The following CACNA2D1 variants were observed in gnomAD, a reference collection of about 807,000 sequenced individuals.
CACNA2D1 encodes the protein calcium voltage-gated channel auxiliary subunit alpha2delta 1.
In CACNA2D1, 53 loss-of-function variants were observed where a neutral mutation model predicts 171.5. The observed-to-expected ratio is 0.31, with a 90% CI of 0.25 to 0.39. The LOEUF (loss-of-function observed/expected upper bound fraction) is 0.39, where lower values mean the gene tolerates loss of function less well. Among genes scored for constraint, CACNA2D1 ranks in the 10% least tolerant of loss-of-function variants. CACNA2D1 has a pLI of 1.00. For missense variants in CACNA2D1, 903 were observed against 1,299.8 expected, an observed-to-expected ratio of 0.69 and a Z score of 4.69; for synonymous variants, 442 against 443.1, an observed-to-expected ratio of 1.00 and a Z score of 0.03.
At chr7:82,192,245 G>A (rs1585055204) in intron 3 of CACNA2D1, among the ~76,000 whole-genome samples, 1 of 151,634 alleles carries the variant, frequency 6.6e-6, no homozygotes, top group Non-Finnish European at 1.5e-5. Flanking sequence ...AAACAAGGTG[G>A]ATATGACATA....
intron 4 of CACNA2D1, among the ~76,000 whole-genome samples, chr7:82,167,190 G>C (rs1795542410): frequency 6.6e-6 from 1 of 151,932 alleles, no homozygotes; most frequent in African/African-American, 2.4e-5. Context: ...AAAGATAAAA[G>C]AATTATAAAG....
rs560408089 is a variant in CACNA2D1 at position 82,326,026 on chromosome 7, C to T, written c.294+9109G>A. The stretch of plus-strand genomic sequence containing the variant: ...AGGTGTGGGTATGGGCATGAGTGCA[C>T]TCAGTGATGTGATGATGTCCTGTCC... On this transcript the variant is annotated intron_variant, in intron 3 of 38. Coordinates refer to ENST00000356860, the MANE Select transcript of CACNA2D1 (RefSeq NM_000722.4). Among the ~76,000 whole-genome samples, 186 of 152,092 alleles carry T rather than the reference C, an allele frequency of 1.2e-3. 1 individual carries two copies. The highest frequency in any genetic ancestry group is 1.4e-3 in the Non-Finnish European group (96 of 68,024).
chr7:82,188,831 G>A (rs1024400054), intron 3 of CACNA2D1, among the ~76,000 whole-genome samples: 3 of 152,014 alleles, frequency 2.0e-5, no homozygotes, highest in Admixed American at 6.6e-5. Flanking sequence ...GGAATACTAC[G>A]CAGCTACAAA....
At chr7:82,018,587 C>T (rs900959453) in intron 12 of CACNA2D1, among the ~76,000 whole-genome samples, 7 of 152,080 alleles carry the variant, frequency 4.6e-5, no homozygotes, top group Non-Finnish European at 7.4e-5. Flanking sequence ...TATTTATGTA[C>T]TATATTATTC....
intron 6 of CACNA2D1, among the ~76,000 whole-genome samples, chr7:82,107,914 G>C (rs59891073): frequency 0.077 from 11,719 of 152,070 alleles, 549 homozygotes; most frequent in South Asian, 0.14. Flanking sequence ...TTTTTATTGA[G>C]ATTGTTTTTA....
intron 3 of CACNA2D1, among the ~76,000 whole-genome samples, chr7:82,278,115 A>G (rs1809594885): frequency 2.0e-5 from 3 of 152,184 alleles, no homozygotes; most frequent in Non-Finnish European, 4.4e-5. Context: ...TTTAACATGT[A>G]TGTTAACCTT....
At chr7:82,443,925 C>G (rs1830701463), upstream of CACNA2D1, 1 of 316,728 alleles carries the variant, frequency 3.2e-6, no homozygotes, top group Non-Finnish European at 5.7e-6. Flanking sequence ...CTTGTGGAAG[C>G]GAGAGGCTCC....
At chr7:82,082,529 T>TA (rs1426717066) in intron 7 of CACNA2D1, among the ~76,000 whole-genome samples, 2 of 151,662 alleles carry the variant, frequency 1.3e-5, no homozygotes, top group East Asian at 2.0e-4. Context: ...CATGACAGTG[T>TA]AAAAAACCAA....
At chr7:82,193,147 C>T (rs1798508394) in intron 3 of CACNA2D1, among the ~76,000 whole-genome samples, 1 of 151,178 alleles carries the variant, frequency 6.6e-6, no homozygotes, top group Non-Finnish European at 1.5e-5. Flanking sequence ...GAGAATTGCA[C>T]TTTACCCGGG....
At chr7:82,275,709 G>A (rs1167499505) in intron 3 of CACNA2D1, among the ~76,000 whole-genome samples, 2 of 152,120 alleles carry the variant, frequency 1.3e-5, no homozygotes, top group Non-Finnish European at 2.9e-5. Flanking sequence ...AAGGCAAAGA[G>A]TAGCAGCGCT....
At chr7:82,133,822 C>T (rs1383855788) in intron 5 of CACNA2D1, among the ~76,000 whole-genome samples, 8 of 152,144 alleles carry the variant, frequency 5.3e-5, no homozygotes, top group African/African-American at 1.9e-4. Flanking sequence ...CCTGTAATCC[C>T]AGCACTTTGG....
chr7:81,972,525 CA>C (rs1316504887), intron 25 of CACNA2D1, among the ~76,000 whole-genome samples: 1 of 151,690 alleles, frequency 6.6e-6, no homozygotes, highest in Non-Finnish European at 1.5e-5. Flanking sequence ...TGGTATTGGT[CA>C]AAGAACCAAT....
At position 82,314,856 on chromosome 7, in the gene CACNA2D1, C is replaced by T. The variant is rs115758044; in HGVS notation, c.294+20279G>A. On this transcript the variant is annotated intron_variant, in intron 3 of 38. Transcript: ENST00000356860. The stretch of plus-strand genomic sequence containing the variant: ...TGATAATTCAAAGCAGATATGACTG[C>T]TGTTAACAGTGGCTTCAGCAACCTG... 7.0e-3 allele frequency among the ~76,000 whole-genome samples: 1,062 copies of T among 152,116 alleles called. 15 individuals are homozygous for T. Among genetic ancestry groups the T allele is most frequent in the African/African-American group, 0.025 (1,025 of 41,474 alleles).
chr7:82,256,314 A>G (rs772632436), intron 3 of CACNA2D1, among the ~76,000 whole-genome samples: 2 of 152,136 alleles, frequency 1.3e-5, no homozygotes, highest in Non-Finnish European at 2.9e-5. Context: ...AATAAAATTA[A>G]ATAAGTAAAG....
chr7:82,054,120 G>A (rs1451849459), intron 10 of CACNA2D1, among the ~76,000 whole-genome samples: 1 of 152,106 alleles, frequency 6.6e-6, no homozygotes, highest in African/African-American at 2.4e-5. Context: ...GAATCCCAAT[G>A]CCCATTCTAA....
intron 12 of CACNA2D1, chr7:82,029,832 A>T (rs1160297336): frequency 6.6e-6 from 1 of 151,874 alleles, no homozygotes; most frequent in East Asian, 1.9e-4. Context: ...TATAATATGC[A>T]GTTCCAAGAA....
At chr7:82,024,829 C>T (rs1448601093) in intron 12 of CACNA2D1, among the ~76,000 whole-genome samples, 2 of 151,568 alleles carry the variant, frequency 1.3e-5, no homozygotes, top group Non-Finnish European at 3.0e-5. Flanking sequence ...TGTATGGTGT[C>T]AGATAAGGAT....
chr7:82,255,183 T>C (rs1443281277), intron 3 of CACNA2D1, among the ~76,000 whole-genome samples: 2 of 152,142 alleles, frequency 1.3e-5, no homozygotes, highest in Admixed American at 6.5e-5. Flanking sequence ...GTTCCAAGCC[T>C]TTCATATCTA....
rs79978890 is a variant in CACNA2D1 at position 82,272,464 on chromosome 7, G to A, written c.294+62671C>T. Among the ~76,000 whole-genome samples the A allele has an allele frequency of 8.3e-3, 1,257 of 152,254 alleles. 25 individuals carry two copies. The highest frequency in any genetic ancestry group is 0.029 in the African/African-American group (1,190 of 41,542). The stretch of plus-strand genomic sequence containing the variant: ...ACTCACTTCTCACAAATAGCATAAA[G>A]TAGAAAGGATAGCACGCAACGTAAG... On this transcript the variant is annotated intron_variant, in intron 3 of 38. Coordinates refer to ENST00000356860, the MANE Select transcript of CACNA2D1 (RefSeq NM_000722.4).
Sources: gnomAD v4.1 joint callset for allele counts (sites outside exome capture counted in the v4.1 genomes callset) on GRCh38, gnomAD v4.1.1 for gene constraint, MANE v1.5 for transcripts, NCBI Gene and HGNC (gene_info 2026-07-23, HGNC 2026-07-21) for gene names.